The following RYK variants were observed in gnomAD, a reference collection of about 807,000 sequenced individuals.
RYK encodes inactive tyrosine-protein kinase RYK.
A neutral mutation model predicts 70.2 loss-of-function variants in RYK; 21 were observed. That is an observed-to-expected ratio of 0.30 (90% CI 0.21 to 0.43). The LOEUF is 0.43. RYK is among the 20% of genes least tolerant of loss of function. RYK has a pLI of 1.00. For synonymous variants in RYK, 267 were observed against 278.0 expected, an observed-to-expected ratio of 0.96 and a Z score of 0.39; for missense variants, 604 against 753.3, an observed-to-expected ratio of 0.80 and a Z score of 2.32.
At position 134,157,838 on chromosome 3, in the gene RYK, A is replaced by G. The variant is rs1050822168; in HGVS notation, c.*315T>C. The G allele has an allele frequency of 5.0e-6, 1 of 198,276 alleles. No individual in the cohort carries two copies. The highest frequency in any genetic ancestry group is 1.0e-5 in the Non-Finnish European group (1 of 98,904). The allele number at this position is 198,276 out of a possible 1,614,324, so 12.3% of individuals were successfully genotyped here. ...TAGCTAATTCCAAATATCTGTGTCTAAACAATTTTAAAAACTGTTTATTTA... is the reference window on the plus strand; with the variant it reads ...TAGCTAATTCCAAATATCTGTGTCTGAACAATTTTAAAAACTGTTTATTTA... On this transcript the variant is annotated 3_prime_UTR_variant, in exon 15 of 15. Transcript: ENST00000623711.
At position 134,200,105 on chromosome 3, in the gene RYK, G is replaced by GA. The variant is rs562013641; in HGVS notation, c.788+2624dup. On this transcript the variant is annotated intron_variant, in intron 6 of 14. Coordinates refer to ENST00000623711, the MANE Select transcript of RYK (RefSeq NM_002958.4). Reference sequence around the variant, plus strand: ...AGGATGTGGGTGGGGCCAAATAAGGGAAAAAAAGCAGGCCACCCAAGCCAG... The same window carrying GA: ...AGGATGTGGGTGGGGCCAAATAAGGGAAAAAAAAGCAGGCCACCCAAGCCAG... 6.6e-5 allele frequency among the ~76,000 whole-genome samples: 10 copies of GA among 152,016 alleles called. No individual in the cohort carries two copies. The South Asian group carries it at 1.7e-3, about 25-fold the overall frequency.
rs1286389113 is a variant in RYK at position 134,157,868 on chromosome 3, G to C, written c.*285C>G. On this transcript the variant is annotated 3_prime_UTR_variant, in exon 15 of 15. Coordinates refer to ENST00000623711, the MANE Select transcript of RYK (RefSeq NM_002958.4). ...ATTTTAAAAACTGTTTATTTATTTT[G>C]TAAGAATGTACCCCTAGTCCAAAGT... 3.8e-6 allele frequency: 1 copy of C among 263,586 alleles called. No homozygotes were observed. The highest frequency in any genetic ancestry group is 7.1e-6 in the Non-Finnish European group (1 of 141,772). 16.3% of individuals were successfully genotyped at this position (263,586 alleles called of 1,614,324 possible). A position where few individuals can be genotyped will look rare whatever the true frequency, so the allele number is the denominator to read the frequency against.
At chr3:134,229,294 TTCTC>T (rs34305748) in intron 1 of RYK, among the ~76,000 whole-genome samples, 15,141 of 143,706 alleles carry the variant, frequency 0.11, 1,043 homozygotes, top group Middle Eastern at 0.24. Context: ...CTCTACTGCC[TTCTC>T]TCTCTCTCTC....
intron 1 of RYK, among the ~76,000 whole-genome samples, chr3:134,223,018 A>G (rs2014787537): frequency 6.6e-6 from 1 of 152,228 alleles, no homozygotes; most frequent in Non-Finnish European, 1.5e-5. Context: ...CTCCTCTGAC[A>G]ACACAAGGTC....
chr3:134,196,704 GTAAA>G (rs2013828615), intron 6 of RYK, among the ~76,000 whole-genome samples: 1 of 151,446 alleles, frequency 6.6e-6, no homozygotes, highest in South Asian at 2.1e-4. Flanking sequence ...TCTGAAAAAT[GTAAA>G]TATATAACAT....
chr3:134,177,647 A>C (rs555861060), intron 11 of RYK, among the ~76,000 whole-genome samples: 154 of 152,360 alleles, frequency 1.0e-3, no homozygotes, highest in African/African-American at 3.6e-3. Context: ...AAGTACCCTC[A>C]GTTATCAGGA....
At chr3:134,168,716 A>C (rs902533073) in intron 13 of RYK, among the ~76,000 whole-genome samples, 3 of 152,136 alleles carry the variant, frequency 2.0e-5, no homozygotes, top group Non-Finnish European at 2.9e-5. Context: ...ACATGTATAC[A>C]TATGTAACAA....
At chr3:134,233,715 T>C (rs1269229267) in intron 1 of RYK, among the ~76,000 whole-genome samples, 1 of 152,182 alleles carries the variant, frequency 6.6e-6, no homozygotes, top group East Asian at 1.9e-4. Context: ...CTCTAACATA[T>C]TAGGCTTCTT....
intron 10 of RYK, 153 bp from the exon 11 acceptor site, chr3:134,178,226 T>G (rs1339745218): frequency 6.6e-6 from 4 of 601,926 alleles, no homozygotes; most frequent in Non-Finnish European, 1.1e-5. Flanking sequence ...TGTTCTGTAT[T>G]TTAAACCAGA....
At chr3:134,181,884 G>A (rs1459199542) in intron 10 of RYK, among the ~76,000 whole-genome samples, 2 of 152,152 alleles carry the variant, frequency 1.3e-5, no homozygotes, top group Admixed American at 6.5e-5. Flanking sequence ...AGGTCTTCAT[G>A]GCCGGGCACA....
At chr3:134,158,871 C>T (rs1251154130) in intron 14 of RYK, among the ~76,000 whole-genome samples, 2 of 152,148 alleles carry the variant, frequency 1.3e-5, no homozygotes, top group Admixed American at 6.5e-5. Flanking sequence ...AAAATGACAA[C>T]GAGAGAGGTT....
chr3:134,226,738 A>G (rs1255185859), intron 1 of RYK, among the ~76,000 whole-genome samples: 1 of 152,202 alleles, frequency 6.6e-6, no homozygotes, highest in Non-Finnish European at 1.5e-5. Context: ...GATACAGAAA[A>G]AGCATTTGAC....
rs184422349 is a variant in RYK at position 134,247,643 on chromosome 3, G to A, written c.232+2780C>T. ...CTTGAACCTTGGAGGCAGAGGTTGC[G>A]GTGAGCTAAGATCATACCATTGGAC... On this transcript the variant is annotated intron_variant, in intron 1 of 14. Transcript: ENST00000623711. 5.6e-4 allele frequency among the ~76,000 whole-genome samples: 85 copies of A among 151,828 alleles called. No homozygotes were observed. In the East Asian group the frequency reaches 7.6e-3, roughly 14 times the overall value.
rs750600911 is a variant in RYK at position 134,209,821 on chromosome 3, C to A, written c.463G>T (p.Val155Leu). The A allele has an allele frequency of 6.7e-7, 1 of 1,484,212 alleles. No homozygotes were observed. Among genetic ancestry groups the A allele is most frequent in the African/African-American group, 1.5e-5 (1 of 68,728 alleles). The allele number at this position is 1,484,212 out of a possible 1,614,324, so 91.9% of individuals were successfully genotyped here. A position where few individuals can be genotyped will look rare whatever the true frequency, so the allele number is the denominator to read the frequency against. ...EVPRTLSVFR[V>L]ELSCTGKVDS... ...ACTTTGCCAGTACAGGAAAGCTCTA[C>A]CCGAAACACTGTTTAAAAAAGATAA... Residue 155 changes from valine to leucine, a missense_variant, in exon 4 of 15, where the codon GTA (valine) becomes TTA (leucine). This residue lies in a region of RYK where 466 missense variants were observed against 535.9 expected (regional missense o/e 0.87). Transcript: ENST00000623711.
At chr3:134,162,393 C>G (rs923420739) in intron 13 of RYK, among the ~76,000 whole-genome samples, 16 of 151,952 alleles carry the variant, frequency 1.1e-4, no homozygotes. Flanking sequence ...CCTTTTGGAA[C>G]CTATTATCTT....
In RYK at chr3:134,222,293, A is replaced by G. The variant is rs1416866652; in HGVS notation, c.354+125T>C. On this transcript the variant is annotated intron_variant, in intron 2 of 14. Coordinates refer to ENST00000623711, the MANE Select transcript of RYK (RefSeq NM_002958.4). ...TTGAAATATAAATCTGAAAAGACTCAGTACTATTATATCACATCACCAGCG... is the reference window on the plus strand; with the variant it reads ...TTGAAATATAAATCTGAAAAGACTCGGTACTATTATATCACATCACCAGCG... The G allele has an allele frequency of 1.9e-5, 18 of 951,868 alleles. No homozygotes were observed. In the East Asian group the frequency reaches 2.0e-4, roughly 11 times the overall value. The allele number at this position is 951,868 out of a possible 1,614,324, so 59.0% of individuals were successfully genotyped here. A position where few individuals can be genotyped will look rare whatever the true frequency, so the allele number is the denominator to read the frequency against.
chr3:134,183,304 G>A, intron 9 of RYK: 1 of 302,850 alleles, frequency 3.3e-6, no homozygotes, highest in Admixed American at 4.9e-5. Context: ...AAACAAAGCA[G>A]AAAATGCAAT....
chr3:134,197,065 A>T (rs2013840106), intron 6 of RYK, among the ~76,000 whole-genome samples: 1 of 152,196 alleles, frequency 6.6e-6, no homozygotes, highest in African/African-American at 2.4e-5. Context: ...CAAAAACTGC[A>T]ATTACTGCAC....
intron 13 of RYK, among the ~76,000 whole-genome samples, chr3:134,173,196 G>T: frequency 6.6e-6 from 1 of 151,756 alleles, no homozygotes; most frequent in East Asian, 1.9e-4. Flanking sequence ...CAGGAGAATC[G>T]CATGAACCCA....
Sources: allele counts gnomAD v4.1 joint callset (sites outside exome capture counted in the v4.1 genomes callset), GRCh38; gene constraint gnomAD v4.1.1; regional missense constraint gnomAD v4.1.1; transcripts MANE v1.5; gene names NCBI Gene and HGNC (gene_info 2026-07-23, HGNC 2026-07-21).